COX10: variants seen among roughly 807,000 people sequenced by gnomAD.
The protein encoded by COX10 is cytochrome c oxidase assembly factor heme A:farnesyltransferase COX10, also known as protoheme IX farnesyltransferase, mitochondrial.
COX10 carries 27 observed loss-of-function variants against 37.3 expected under a neutral mutation model. The observed-to-expected ratio is 0.72, with a 90% CI of 0.53 to 1.00. The LOEUF (loss-of-function observed/expected upper bound fraction) is 1.00, where lower values mean the gene tolerates loss of function less well. Ranked by LOEUF, COX10 falls within the 50% of genes least tolerant of loss-of-function variation. The probability of loss-of-function intolerance (pLI) is 0.00; values close to 1 mark genes in which losing one functional copy is unlikely to be tolerated. For missense variants in COX10, 475 were observed against 563.2 expected (o/e 0.84, Z 1.59); for synonymous variants, 222 against 229.1 (o/e 0.97, Z 0.28).
Position 14,207,195 on chromosome 17 carries a change from A to C in COX10, c.1314A>C (p.Ala438=). Residue 438 remains alanine (A), a synonymous_variant, in exon 7 of 7, where the codon GCA becomes GCC. Coordinates refer to ENST00000261643, the MANE Select transcript of COX10 (RefSeq NM_001303.4). ...TCKRPSGGGD[A]GPPPS ...AGCGGCCGAGCGGAGGCGGGGACGC[A>C]GGGCCCCCTCCCAGCTGAGAGCACT... is the stretch of plus-strand genomic sequence containing the variant. 1 of 1,598,144 alleles carries C rather than the reference A, an allele frequency of 6.3e-7. No individual in the cohort carries two copies. The highest frequency in any genetic ancestry group is 1.1e-5 in the South Asian group (1 of 90,280).
At chr17:14,120,934 C>T (rs894463056) in intron 4 of COX10, among the ~76,000 whole-genome samples, 3 of 152,092 alleles carry the variant, frequency 2.0e-5, no homozygotes, top group Non-Finnish European at 2.9e-5. Context: ...ACTTAGTGTT[C>T]CCATACAGGC....
At chr17:14,205,715 G>A (rs1405257408) in intron 6 of COX10, among the ~76,000 whole-genome samples, 1 of 152,174 alleles carries the variant, frequency 6.6e-6, no homozygotes, top group East Asian at 1.9e-4. Context: ...AAATCAAGCA[G>A]CCTTGTTTTG....
intron 4 of COX10, among the ~76,000 whole-genome samples, chr17:14,137,366 C>T (rs1385815130): frequency 6.6e-6 from 1 of 151,232 alleles, no homozygotes; most frequent in Admixed American, 6.6e-5. Context: ...AATTGCATTT[C>T]CAGATGATAT....
chr17:14,199,224 C>A (rs1166142512), intron 6 of COX10, among the ~76,000 whole-genome samples: 1 of 152,188 alleles, frequency 6.6e-6, no homozygotes, highest in Non-Finnish European at 1.5e-5. Context: ...TTTTAGGGAG[C>A]TGGGCCAGTG....
At chr17:14,085,299 G>A (rs545689076) in intron 3 of COX10, among the ~76,000 whole-genome samples, 1 of 152,142 alleles carries the variant, frequency 6.6e-6, no homozygotes, top group African/African-American at 2.4e-5. Flanking sequence ...TATAAAAATG[G>A]GGTTATATTA....
intron 4 of COX10, among the ~76,000 whole-genome samples, chr17:14,150,323 T>C (rs1245617711): frequency 6.6e-6 from 1 of 151,626 alleles, no homozygotes; most frequent in African/African-American, 2.4e-5. Context: ...AAAAGATTGG[T>C]GGATTTTTAT....
chr17:14,200,159 A>G (rs1018381888), intron 6 of COX10, among the ~76,000 whole-genome samples: 1 of 152,180 alleles, frequency 6.6e-6, no homozygotes, highest in Non-Finnish European at 1.5e-5. Context: ...GATGAACTCC[A>G]TTCCACAAGG....
rs553057533 is a variant in COX10, at chr17:14,134,332, A to C, written c.625-25545A>C. 3.3e-5 allele frequency among the ~76,000 whole-genome samples: 5 copies of C among 152,004 alleles called. No homozygotes were observed. The East Asian group carries it at 9.7e-4, about 29-fold the overall frequency. The stretch of plus-strand genomic sequence containing the variant: ...AAGAATGTGAAGAGATAAAAAATAC[A>C]AAGTTATCTTTTCTATCAGCTTTTT... On this transcript the variant is annotated intron_variant, in intron 4 of 6. Transcript: ENST00000261643.
intron 4 of COX10, among the ~76,000 whole-genome samples, chr17:14,152,263 T>C (rs1904925901): frequency 6.6e-6 from 1 of 152,126 alleles, no homozygotes; most frequent in South Asian, 2.1e-4. Flanking sequence ...CAGTTCCACA[T>C]GGCTGGGGAG....
chr17:14,126,917 T>C (rs1408096887), intron 4 of COX10, among the ~76,000 whole-genome samples: 3 of 151,636 alleles, frequency 2.0e-5, no homozygotes. Flanking sequence ...ATATGCTAAA[T>C]CTTATTGATT....
intron 4 of COX10, among the ~76,000 whole-genome samples, chr17:14,118,931 T>C (rs1916171624): frequency 6.6e-6 from 1 of 152,018 alleles, no homozygotes; most frequent in African/African-American, 2.4e-5. Flanking sequence ...TTCTTTTAGG[T>C]ATTGAGAGTA....
chr17:14,112,057 T>C (rs1916014653), intron 4 of COX10, among the ~76,000 whole-genome samples: 1 of 152,062 alleles, frequency 6.6e-6, no homozygotes, highest in Non-Finnish European at 1.5e-5. Context: ...GGCTGAAGAG[T>C]GTATTTGAGT....
At chr17:14,192,643 T>G (rs1200422866) in intron 6 of COX10, among the ~76,000 whole-genome samples, 1 of 152,194 alleles carries the variant, frequency 6.6e-6, no homozygotes, top group Non-Finnish European at 1.5e-5. Flanking sequence ...TGTTCCCCTC[T>G]TATGAAAGGG....
At chr17:14,126,960 AATAG>A (rs942648166) in intron 4 of COX10, among the ~76,000 whole-genome samples, 3 of 19,504 alleles carry the variant, frequency 1.5e-4, no homozygotes, top group African/African-American at 2.7e-4. Flanking sequence ...TTTAGAAAAA[AATAG>A]ATAGTGACTC....
chr17:14,091,833 A>G (rs1403401772), intron 3 of COX10, among the ~76,000 whole-genome samples: 2 of 152,194 alleles, frequency 1.3e-5, no homozygotes, highest in Non-Finnish European at 2.9e-5. Flanking sequence ...GGATAAACAC[A>G]GTTGTAATTT....
At chr17:14,179,364 G>T (rs544416142) in intron 5 of COX10, 5 of 214,714 alleles carry the variant, frequency 2.3e-5, no homozygotes, top group Non-Finnish European at 3.2e-5. Context: ...AAGGCCTACT[G>T]TTTCTTTTAA....
intron 3 of COX10, among the ~76,000 whole-genome samples, chr17:14,079,990 C>G (rs918749128): frequency 3.3e-5 from 5 of 151,986 alleles, no homozygotes; most frequent in Admixed American, 6.6e-5. Flanking sequence ...ATTAACTAGT[C>G]TTCTGCAGGT....
chr17:14,159,545 T>TC (rs1905127613), intron 4 of COX10, among the ~76,000 whole-genome samples: 1 of 152,128 alleles, frequency 6.6e-6, no homozygotes, highest in Admixed American at 6.6e-5. Context: ...GGGAGTTGAG[T>TC]ATGTGTGGAT....
intron 4 of COX10, among the ~76,000 whole-genome samples, chr17:14,139,841 ATAG>A (rs1904485900): frequency 6.6e-6 from 1 of 152,162 alleles, no homozygotes; most frequent in Non-Finnish European, 1.5e-5. Context: ...ATGTGCTATA[ATAG>A]TAGTAAAAAT....
Sources: allele counts gnomAD v4.1 joint callset (sites outside exome capture counted in the v4.1 genomes callset), GRCh38; gene constraint gnomAD v4.1.1; transcripts MANE v1.5; gene names NCBI Gene and HGNC (gene_info 2026-07-23, HGNC 2026-07-21).